The following FRZB variants were observed in gnomAD, a reference collection of about 807,000 sequenced individuals.
FRZB encodes frizzled related protein.
FRZB carries 34 observed loss-of-function variants against 32.5 expected under a neutral mutation model. The ratio of observed to expected loss-of-function variants is 1.05; its 90% CI spans 0.80 to 1.39. The LOEUF (loss-of-function observed/expected upper bound fraction) is 1.39, where lower values mean the gene tolerates loss of function less well. Ranked by LOEUF, FRZB falls within the 40% of genes most tolerant of loss-of-function variation. The probability of loss-of-function intolerance (pLI) is 0.00; values close to 1 mark genes in which losing one functional copy is unlikely to be tolerated. For synonymous variants in FRZB, 170 were observed against 159.2 expected (o/e 1.07, Z -0.51); for missense variants, 423 against 424.8 (o/e 1.00, Z 0.04).
Position 182,866,003 on chromosome 2 carries a change from G to T in FRZB, c.478+72C>A. 1.7e-6 allele frequency: 2 copies of T among 1,198,050 alleles called. No individual in the cohort carries two copies. Among genetic ancestry groups the T allele is most frequent in the South Asian group, 1.4e-5 (1 of 72,080 alleles). 74.2% of individuals were successfully genotyped at this position (1,198,050 alleles called of 1,614,324 possible). On this transcript the variant is annotated intron_variant, in intron 1 of 5. Coordinates refer to ENST00000295113, the MANE Select transcript of FRZB (RefSeq NM_001463.4). This position sits in a 1 kb window ranked among gnomAD's most constrained non-coding sequence, Gnocchi z 4.5. ...GAAGAGAAAAAAATTAGAGAGTAAAGGCTAGTAACAAGGACTCCAAGAATT... is the reference window on the plus strand; with the variant it reads ...GAAGAGAAAAAAATTAGAGAGTAAATGCTAGTAACAAGGACTCCAAGAATT...
At chr2:182,856,303 T>G (rs770293735) in intron 2 of FRZB, among the ~76,000 whole-genome samples, 5 of 151,838 alleles carry the variant, frequency 3.3e-5, no homozygotes, top group Non-Finnish European at 7.4e-5. Flanking sequence ...AGATATGTAA[T>G]TGTTAAAAGA....
At chr2:182,865,056 A>C (rs1695875335) in intron 1 of FRZB, among the ~76,000 whole-genome samples, 1 of 152,244 alleles carries the variant, frequency 6.6e-6, no homozygotes, top group South Asian at 2.1e-4. Context: ...TCATAATTAG[A>C]CTAAACACTA....
intron 4 of FRZB, 133 bp downstream of exon 4, chr2:182,838,275 TA>T: frequency 1.3e-6 from 1 of 792,100 alleles, no homozygotes; most frequent in Non-Finnish European, 2.0e-6. Context: ...GAAACCCAAC[TA>T]AAACTTATCT....
chr2:182,835,079 C>T, intron 5 of FRZB, 114 bp from the exon 6 acceptor site: 2 of 752,600 alleles, frequency 2.7e-6, no homozygotes, highest in Admixed American at 2.1e-5. Flanking sequence ...CATTTTGCTA[C>T]TTTTCCAAAA....
rs554582521 is a variant in FRZB at position 182,835,328 on chromosome 2, C to T, written c.862-363G>A. Among the ~76,000 whole-genome samples the T allele has an allele frequency of 8.1e-3, 1,234 of 151,994 alleles. 11 individuals are homozygous for T. Among genetic ancestry groups the T allele is most frequent in the Middle Eastern group, 0.037 (11 of 294 alleles). ...ATACTCAACAAATGGAAGATTTACA[C>T]ACAGAATTTGAAGGGAAGGCTATTT... On this transcript the variant is annotated intron_variant, in intron 5 of 5. Coordinates refer to ENST00000295113, the MANE Select transcript of FRZB (RefSeq NM_001463.4).
At chr2:182,845,505 C>T (rs1239746580) in intron 2 of FRZB, among the ~76,000 whole-genome samples, 1 of 152,056 alleles carries the variant, frequency 6.6e-6, no homozygotes, top group African/African-American at 2.4e-5. Flanking sequence ...CTGTATTTCA[C>T]TGTTGAGAAG....
chr2:182,864,663 A>G (rs1461857215), intron 1 of FRZB, among the ~76,000 whole-genome samples: 2 of 152,206 alleles, frequency 1.3e-5, no homozygotes. Context: ...TTTTACAATT[A>G]CTTCTCCTTC....
chr2:182,840,798 GCTA>G (rs1201342824), intron 3 of FRZB, among the ~76,000 whole-genome samples: 2 of 151,936 alleles, frequency 1.3e-5, no homozygotes, highest in African/African-American at 4.8e-5. Flanking sequence ...TATTCATTCA[GCTA>G]CTTTCTCTAA....
intron 1 of FRZB, among the ~76,000 whole-genome samples, chr2:182,860,989 C>T (rs898164636): frequency 9.9e-5 from 15 of 151,914 alleles, no homozygotes; most frequent in African/African-American, 3.6e-4. Flanking sequence ...GATGAGTTCA[C>T]GCTGGGGCAT....
intron 2 of FRZB, among the ~76,000 whole-genome samples, chr2:182,849,791 A>T (rs916010034): frequency 2.6e-5 from 4 of 152,228 alleles, no homozygotes; most frequent in Admixed American, 2.0e-4. Flanking sequence ...TCTTTGGAAA[A>T]TTTCAAATAA....
chr2:182,839,473 A>G (rs929395785), intron 3 of FRZB, among the ~76,000 whole-genome samples: 1 of 152,048 alleles, frequency 6.6e-6, no homozygotes, highest in African/African-American at 2.4e-5. Context: ...TCACGTGTCA[A>G]TGGCATTATT....
intron 1 of FRZB, among the ~76,000 whole-genome samples, chr2:182,859,723 A>G (rs114553164): frequency 0.017 from 2,635 of 152,286 alleles, 85 homozygotes; most frequent in African/African-American, 0.06. Context: ...TTTTAGGACT[A>G]TAACACCCAC....
chr2:182,842,610 A>G lies in FRZB; in HGVS notation c.527-67T>C, dbSNP rs1695598521. The G allele has an allele frequency of 6.1e-6, 8 of 1,321,852 alleles. No individual in the cohort carries two copies. In the South Asian group the frequency reaches 8.4e-5, roughly 14 times the overall value. The allele number at this position is 1,321,852 out of a possible 1,614,324, so 81.9% of individuals were successfully genotyped here. On this transcript the variant is annotated intron_variant, in intron 2 of 5. Coordinates refer to ENST00000295113, the MANE Select transcript of FRZB (RefSeq NM_001463.4). ...GCTTTCTTTTGTTTTGCTCAGACTC[A>G]CATTTTTTGCTCAGACTAGATCTCA...
At chr2:182,840,323 A>G (rs543578699) in intron 3 of FRZB, among the ~76,000 whole-genome samples, 25 of 152,150 alleles carry the variant, frequency 1.6e-4, no homozygotes, top group Non-Finnish European at 3.2e-4. Flanking sequence ...CATAGCATCC[A>G]TCAACTATTA....
At chr2:182,858,479 A>G (rs1001792090) in intron 2 of FRZB, among the ~76,000 whole-genome samples, 1 of 152,156 alleles carries the variant, frequency 6.6e-6, no homozygotes, top group Non-Finnish European at 1.5e-5. Context: ...ACTTGTAATT[A>G]TAAAGGGATA....
chr2:182,866,617 T>C lies in FRZB; in HGVS notation c.-65A>G. The C allele has an allele frequency of 1.7e-6, 2 of 1,157,246 alleles. No homozygotes were observed. The highest frequency in any genetic ancestry group is 2.3e-6 in the Non-Finnish European group (2 of 857,148). 71.7% of individuals were successfully genotyped at this position (1,157,246 alleles called of 1,614,324 possible). A position where few individuals can be genotyped will look rare whatever the true frequency, so the allele number is the denominator to read the frequency against. ...ACGCCAAAAGGCCCGCTCCGCCGTC[T>C]CCGCCTCCCCCGCTGCAAGTGGACA... On this transcript the variant is annotated 5_prime_UTR_variant, in exon 1 of 6. Transcript: ENST00000295113. The surrounding 1 kb of genome is among the most constrained non-coding windows in gnomAD (Gnocchi z 4.5).
chr2:182,840,370 G>T (rs1182207317), intron 3 of FRZB, among the ~76,000 whole-genome samples: 1 of 151,992 alleles, frequency 6.6e-6, no homozygotes, highest in Non-Finnish European at 1.5e-5. Context: ...TCAAACTAAT[G>T]ATTTATTTAC....
chr2:182,846,216 A>C lies in FRZB; in HGVS notation c.527-3673T>G, dbSNP rs183615880. ...GATACAGCTATGAAATATGACACTC[A>C]CTGGACTGTCACTATTTAATGCAAC... is the stretch of plus-strand genomic sequence containing the variant. On this transcript the variant is annotated intron_variant, in intron 2 of 5. Coordinates refer to ENST00000295113, the MANE Select transcript of FRZB (RefSeq NM_001463.4). 6.0e-4 allele frequency among the ~76,000 whole-genome samples: 91 copies of C among 152,326 alleles called. 1 individual carries two copies. Among genetic ancestry groups the C allele is most frequent in the African/African-American group, 2.0e-3 (85 of 41,584 alleles).
intron 1 of FRZB, among the ~76,000 whole-genome samples, chr2:182,864,088 C>T (rs1695863538): frequency 6.6e-6 from 1 of 152,222 alleles, no homozygotes; most frequent in African/African-American, 2.4e-5. Flanking sequence ...GTCCCATGAA[C>T]TGACAAATTG....
Sources: gnomAD v4.1 joint callset for allele counts (sites outside exome capture counted in the v4.1 genomes callset) on GRCh38, gnomAD v4.1.1 for gene constraint, Gnocchi (gnomAD v3.1) non-coding constraint, MANE v1.5 for transcripts, NCBI Gene and HGNC (gene_info 2026-07-23, HGNC 2026-07-21) for gene names.